The following AHCTF1 variants were observed in gnomAD, a reference collection of about 807,000 sequenced individuals.
AHCTF1 encodes the protein protein ELYS.
A neutral mutation model predicts 248.4 loss-of-function variants in AHCTF1; 24 were observed. That is an observed-to-expected ratio of 0.10 (90% CI 0.07 to 0.14). The LOEUF (loss-of-function observed/expected upper bound fraction) is 0.14. Among genes scored for constraint, AHCTF1 ranks in the 10% least tolerant of loss-of-function variants. AHCTF1 has a pLI of 1.00. For synonymous variants in AHCTF1, 786 were observed against 929.8 expected, an observed-to-expected ratio of 0.85 and a Z score of 2.81; for missense variants, 2,206 against 2,636.2, an observed-to-expected ratio of 0.84 and a Z score of 3.57.
At chr1:246,868,535 T>G (rs990520681) in intron 24 of AHCTF1, among the ~76,000 whole-genome samples, 1 of 151,228 alleles carries the variant, frequency 6.6e-6, no homozygotes, top group Admixed American at 6.6e-5. Context: ...GATAGAGGTG[T>G]GAGCCACCGG....
intron 3 of AHCTF1, among the ~76,000 whole-genome samples, chr1:246,915,859 C>CA (rs1347105888): frequency 2.6e-5 from 4 of 151,988 alleles, no homozygotes; most frequent in African/African-American, 7.2e-5. Flanking sequence ...ATACTTTTCA[C>CA]AAAAAAAGAG....
intron 30 of AHCTF1, among the ~76,000 whole-genome samples, 173 bp downstream of exon 30, chr1:246,857,518 A>G (rs1661190996): frequency 6.6e-6 from 1 of 152,234 alleles, no homozygotes; most frequent in African/African-American, 2.4e-5. Context: ...TATAGTAACT[A>G]CTAAATGACA....
chr1:246,888,191 C>T lies in AHCTF1; in HGVS notation c.2311G>A (p.Ala771Thr), dbSNP rs763940327. Residue 771 changes from alanine to threonine, a missense_variant, in exon 19 of 36, where the codon GCC becomes ACC. Coordinates refer to ENST00000648844, the MANE Select transcript of AHCTF1 (RefSeq NM_001323342.2). ...TAAAAGGATACAATAGAGTGTTTGGCTGCTTCAGTAACGCCGTCTAATAGG... is the reference window on the plus strand; with the variant it reads ...TAAAAGGATACAATAGAGTGTTTGGTTGCTTCAGTAACGCCGTCTAATAGG... ...MYLLDGVTEA[A>T]KHSITIYLLL... 1.1e-5 allele frequency: 17 copies of T among 1,613,898 alleles called. No individual in the cohort carries two copies. The highest frequency in any genetic ancestry group is 1.3e-5 in the African/African-American group (1 of 74,908).
intron 1 of AHCTF1, among the ~76,000 whole-genome samples, chr1:246,930,264 T>G (rs1253068785): frequency 1.3e-5 from 2 of 152,140 alleles, no homozygotes; most frequent in African/African-American, 2.4e-5. Flanking sequence ...TCCCCCCGCC[T>G]CAGCCTCCCA....
intron 24 of AHCTF1, among the ~76,000 whole-genome samples, chr1:246,868,340 T>G (rs186159570): frequency 2.1e-5 from 3 of 143,908 alleles, no homozygotes; most frequent in African/African-American, 5.9e-5. Context: ...AGGCTGGTCT[T>G]GAACTCCTGA....
At chr1:246,867,900 C>CG in intron 24 of AHCTF1, 89 bp from the exon 25 acceptor site, 1 of 532,522 alleles carries the variant, frequency 1.9e-6, no homozygotes, top group Non-Finnish European at 2.8e-6. Flanking sequence ...CACCCCCCCC[C>CG]CCACACACAC....
intron 15 of AHCTF1, 63 bp from the exon 16 acceptor site, chr1:246,891,123 C>G (rs1303598205): frequency 1.0e-6 from 1 of 957,060 alleles, no homozygotes; most frequent in East Asian, 2.9e-5. Context: ...CCACAGTTTT[C>G]AAAATTAATC....
chr1:246,929,617 T>A (rs1244312871), intron 1 of AHCTF1, among the ~76,000 whole-genome samples: 2 of 152,142 alleles, frequency 1.3e-5, no homozygotes. Context: ...TGTTAACATA[T>A]GAGGATAGAC....
chr1:246,928,751 C>G (rs544484095), intron 1 of AHCTF1, among the ~76,000 whole-genome samples: 9 of 152,228 alleles, frequency 5.9e-5, no homozygotes, highest in Non-Finnish European at 8.8e-5. Flanking sequence ...CAACATGTAC[C>G]AAGCAAACAT....
chr1:246,848,848 TCAAA>T (rs1257656214), intron 33 of AHCTF1, among the ~76,000 whole-genome samples: 11 of 84,318 alleles, frequency 1.3e-4, no homozygotes, highest in Non-Finnish European at 1.6e-4. Context: ...AGACTCTACC[TCAAA>T]CAAACAACAC....
rs1344303472 is a variant in AHCTF1, at chr1:246,898,226, C to G, written c.1605G>C (p.Gln535His). 1 of 1,612,192 alleles carries G rather than the reference C, an allele frequency of 6.2e-7. No homozygotes were observed. The highest frequency in any genetic ancestry group is 8.5e-7 in the Non-Finnish European group (1 of 1,179,984). ...ATCTCACTTGGCTTAAACTGGAAGG[C>G]TGAACATCAACAAATCTTGGGGAAA... ...GLLSPRFVDV[Q>H]PSSLSQEEQL... Residue 535 changes from glutamine to histidine, a missense_variant, in exon 12 of 36, where the codon CAG becomes CAC. Transcript: ENST00000648844.
At position 246,850,170 on chromosome 1, in the gene AHCTF1, A is replaced by T; in HGVS notation, c.5836T>A (p.Ser1946Thr). The T allele has an allele frequency of 2.5e-6, 4 of 1,613,888 alleles. No homozygotes were observed. Among genetic ancestry groups the T allele is most frequent in the Non-Finnish European group, 3.4e-6 (4 of 1,179,842 alleles). Residue 1946 changes from serine (S) to threonine (T), a missense_variant, in exon 33 of 36, where the codon TCA (serine) becomes ACA (threonine). Physicochemically the swap from Ser to Thr is moderately conservative, Grantham distance 58. Transcript: ENST00000648844. ...RRVRGREVSP[S>T]DVREDSNLES... ...AGGTTGGAGTCTTCTCTCACATCTG[A>T]TGGACTAACTTCTCTCCCTCTGACC...
rs777658602 is a variant in AHCTF1 at position 246,890,931 on chromosome 1, CTTATAGAT to C, written c.2050+17_2050+24del. ...AAGATTCAGAATGTTTTAATTAATA[CTTATAGAT>C]TAAGTAAATATTTTACCTATGCCTT... is the stretch of plus-strand genomic sequence containing the variant. On this transcript the variant is annotated intron_variant, in intron 16 of 35. Transcript: ENST00000648844. The C allele has an allele frequency of 7.2e-7, 1 of 1,382,512 alleles. No individual in the cohort carries two copies. The highest frequency in any genetic ancestry group is 2.6e-5 in the East Asian group (1 of 38,892). 85.6% of individuals were successfully genotyped at this position (1,382,512 alleles called of 1,614,324 possible). A position where few individuals can be genotyped will look rare whatever the true frequency, so the allele number is the denominator to read the frequency against.
chr1:246,918,351 T>C lies in AHCTF1; in HGVS notation c.20A>G (p.Gln7Arg). The change falls in exon 2 of 36, where the codon CAA becomes CGA. Residue 7 changes from glutamine to arginine, a missense_variant. This residue lies in a region of AHCTF1 where 69 missense variants were observed against 85.4 expected (regional missense o/e 0.81). Coordinates refer to ENST00000648844, the MANE Select transcript of AHCTF1 (RefSeq NM_001323342.2). MRDLRA[Q>R]VTSGLLPFPE... ...AAATGGCAGGAGACCACTAGTCACT[T>C]GAGCTCTTAAGTCTCGCATACTTCC... 1.9e-6 allele frequency: 3 copies of C among 1,612,348 alleles called. No individual in the cohort carries two copies. Among genetic ancestry groups the C allele is most frequent in the Non-Finnish European group, 2.5e-6 (3 of 1,179,256 alleles).
chr1:246,909,596 TAAC>T (rs1440050112), intron 4 of AHCTF1, among the ~76,000 whole-genome samples: 1 of 152,124 alleles, frequency 6.6e-6, no homozygotes, highest in Non-Finnish European at 1.5e-5. Context: ...TTATTTGACT[TAAC>T]AGCCTCAAAG....
intron 20 of AHCTF1, among the ~76,000 whole-genome samples, chr1:246,886,282 G>C (rs190141871): frequency 1.3e-5 from 2 of 152,284 alleles, no homozygotes; most frequent in East Asian, 3.9e-4. Context: ...AGTGAGACAA[G>C]ATCGTGCCAC....
Position 246,872,438 on chromosome 1 carries a change from G to T in AHCTF1, c.3088+3599C>A, listed in dbSNP as rs186810407. On this transcript the variant is annotated intron_variant, in intron 24 of 35. Coordinates refer to ENST00000648844, the MANE Select transcript of AHCTF1 (RefSeq NM_001323342.2). ...CCTTGTCACACACAAAAAGACAAATGAGGTGGTCAGAGCTTTACTCAAAGA... is the reference window on the plus strand; with the variant it reads ...CCTTGTCACACACAAAAAGACAAATTAGGTGGTCAGAGCTTTACTCAAAGA... Among the ~76,000 whole-genome samples, 366 of 152,278 alleles carry T rather than the reference G, an allele frequency of 2.4e-3. 2 individuals are homozygous for T. Among genetic ancestry groups the T allele is most frequent in the Non-Finnish European group, 3.9e-3 (262 of 68,018 alleles).
chr1:246,884,723 G>A (rs1663692328), intron 21 of AHCTF1, among the ~76,000 whole-genome samples: 1 of 152,124 alleles, frequency 6.6e-6, no homozygotes. Context: ...ATTAAAATCT[G>A]CAAAAGGCAG....
At chr1:246,925,746 A>G (rs1305087238) in intron 1 of AHCTF1, among the ~76,000 whole-genome samples, 1 of 152,046 alleles carries the variant, frequency 6.6e-6, no homozygotes, top group Non-Finnish European at 1.5e-5. Context: ...CCCCTCATGA[A>G]TGGGTTGGTG....
Sources: allele counts gnomAD v4.1 joint callset (sites outside exome capture counted in the v4.1 genomes callset), GRCh38; gene constraint gnomAD v4.1.1; regional missense constraint gnomAD v4.1.1; transcripts MANE v1.5; gene names NCBI Gene and HGNC (gene_info 2026-07-23, HGNC 2026-07-21).